The following NKAIN3 variants were observed in gnomAD, a reference collection of about 807,000 sequenced individuals.
NKAIN3 encodes sodium/potassium-transporting ATPase subunit beta-1-interacting protein 3.
A neutral mutation model predicts 30.2 loss-of-function variants in NKAIN3; 25 were observed. That is an observed-to-expected ratio of 0.83 (90% CI 0.60 to 1.16). The LOEUF (loss-of-function observed/expected upper bound fraction) is 1.16, where lower values mean the gene tolerates loss of function less well. Among genes scored for constraint, NKAIN3 ranks in the 50% most tolerant of loss-of-function variants. The pLI is 0.00. For synonymous variants in NKAIN3, 91 were observed against 89.6 expected, an observed-to-expected ratio of 1.02 and a Z score of -0.09; for missense variants, 225 against 254.1, an observed-to-expected ratio of 0.89 and a Z score of 0.78.
intron 1 of NKAIN3, among the ~76,000 whole-genome samples, chr8:62,427,226 T>G (rs1274829728): frequency 6.6e-6 from 1 of 152,064 alleles, no homozygotes; most frequent in Non-Finnish European, 1.5e-5. Context: ...TTTGGAAACC[T>G]GTTTTATTAT....
intron 1 of NKAIN3, among the ~76,000 whole-genome samples, chr8:62,544,126 C>G (rs1808935034): frequency 1.3e-5 from 2 of 152,024 alleles, no homozygotes; most frequent in African/African-American, 4.8e-5. Flanking sequence ...CTCAGCCTCC[C>G]AAGTAGCCAG....
chr8:62,470,845 CAACTT>C (rs1044616542), intron 1 of NKAIN3, among the ~76,000 whole-genome samples: 2 of 150,918 alleles, frequency 1.3e-5, no homozygotes, highest in Non-Finnish European at 3.0e-5. Flanking sequence ...AAAAAAAAAA[CAACTT>C]AGGTTCTATA....
chr8:62,839,303 TAA>T (rs1179226651), intron 4 of NKAIN3, among the ~76,000 whole-genome samples: 8 of 136,124 alleles, frequency 5.9e-5, no homozygotes, highest in Non-Finnish European at 4.8e-5. Flanking sequence ...TTGCCTACAT[TAA>T]AAAAAAAAAA....
At chr8:62,489,193 T>TTTGTA (rs1391360352) in intron 1 of NKAIN3, among the ~76,000 whole-genome samples, 18 of 150,818 alleles carry the variant, frequency 1.2e-4, no homozygotes, top group Non-Finnish European at 2.5e-4. Context: ...ATTTTTTTTT[T>TTTGTA]TTTTTGTATT....
intron 1 of NKAIN3, among the ~76,000 whole-genome samples, chr8:62,274,362 G>GGTGTAGTCT (rs1186569350): frequency 2.0e-5 from 3 of 152,042 alleles, no homozygotes; most frequent in Admixed American, 2.0e-4. Flanking sequence ...ATTGAAGTTG[G>GGTGTAGTCT]GTGTAGTCTA....
chr8:62,951,653 G>T (rs1381260018), intron 5 of NKAIN3, among the ~76,000 whole-genome samples: 2 of 151,878 alleles, frequency 1.3e-5, no homozygotes, highest in African/African-American at 4.8e-5. Context: ...AATGGGGACG[G>T]TGTTTCCCCA....
At chr8:62,828,937 C>T (rs529525398) in intron 4 of NKAIN3, among the ~76,000 whole-genome samples, 1 of 152,290 alleles carries the variant, frequency 6.6e-6, no homozygotes, top group East Asian at 1.9e-4. Context: ...CAAACCACCC[C>T]TGCTGACGCT....
intron 4 of NKAIN3, among the ~76,000 whole-genome samples, chr8:62,909,737 C>T (rs916640056): frequency 1.3e-5 from 2 of 151,840 alleles, no homozygotes; most frequent in African/African-American, 4.8e-5. Flanking sequence ...CATGAGTATG[C>T]CCATCAATAA....
intron 1 of NKAIN3, among the ~76,000 whole-genome samples, chr8:62,365,040 C>T (rs1209420904): frequency 6.6e-6 from 1 of 151,956 alleles, no homozygotes; most frequent in Non-Finnish European, 1.5e-5. Context: ...TTGTAATTTT[C>T]TAAAGATATT....
At chr8:62,924,894 A>G (rs1384037629) in intron 5 of NKAIN3, among the ~76,000 whole-genome samples, 1 of 152,104 alleles carries the variant, frequency 6.6e-6, no homozygotes, top group East Asian at 1.9e-4. Flanking sequence ...CAGCTCTCTG[A>G]GGTCTCTTTT....
At chr8:62,701,886 G>C (rs1231765173) in intron 3 of NKAIN3, among the ~76,000 whole-genome samples, 1 of 152,120 alleles carries the variant, frequency 6.6e-6, no homozygotes, top group Non-Finnish European at 1.5e-5. Context: ...AACTCCGGGG[G>C]CTGAAGTCCA....
intron 4 of NKAIN3, among the ~76,000 whole-genome samples, chr8:62,870,385 A>G (rs1427722940): frequency 7.3e-6 from 1 of 137,502 alleles, no homozygotes; most frequent in Non-Finnish European, 1.5e-5. Context: ...TACACTATAT[A>G]TGTACAATAT....
At chr8:62,450,899 G>A (rs1449381613) in intron 1 of NKAIN3, among the ~76,000 whole-genome samples, 1 of 152,206 alleles carries the variant, frequency 6.6e-6, no homozygotes, top group African/African-American at 2.4e-5. Context: ...TGTGAAAGAG[G>A]AAGGTAAGAC....
At chr8:62,574,295 T>C (rs775413484) in intron 1 of NKAIN3, among the ~76,000 whole-genome samples, 3 of 152,184 alleles carry the variant, frequency 2.0e-5, no homozygotes, top group Non-Finnish European at 1.5e-5. Flanking sequence ...CATCTGTTAA[T>C]GGACAGAGGT....
intron 4 of NKAIN3, among the ~76,000 whole-genome samples, chr8:62,907,530 A>G (rs1011507848): frequency 6.6e-6 from 1 of 152,156 alleles, no homozygotes; most frequent in Non-Finnish European, 1.5e-5. Context: ...CCCCATAACA[A>G]GCTGGTAGGC....
chr8:62,576,380 T>A (rs1055617301), intron 1 of NKAIN3, among the ~76,000 whole-genome samples: 2 of 152,160 alleles, frequency 1.3e-5, no homozygotes, highest in African/African-American at 4.8e-5. Context: ...TTTATTTCTC[T>A]ACTTTTTTTA....
intron 4 of NKAIN3, chr8:62,855,988 C>T (rs1820049015): frequency 1.4e-6 from 1 of 690,050 alleles, no homozygotes; most frequent in Non-Finnish European, 2.7e-6. Flanking sequence ...CTCCCAATCA[C>T]CAGCAACTCC....
intron 1 of NKAIN3, among the ~76,000 whole-genome samples, chr8:62,532,549 AT>A (rs1432423277): frequency 1.3e-5 from 2 of 152,174 alleles, no homozygotes; most frequent in Non-Finnish European, 2.9e-5. Context: ...CAGGCTCAGC[AT>A]TTTGCAATTG....
intron 4 of NKAIN3, among the ~76,000 whole-genome samples, chr8:62,809,620 C>G (rs1818424212): frequency 6.6e-6 from 1 of 152,138 alleles, no homozygotes; most frequent in Non-Finnish European, 1.5e-5. Context: ...AGTGGTTACA[C>G]TACTACTGCA....
Sources: allele counts gnomAD v4.1 joint callset (sites outside exome capture counted in the v4.1 genomes callset), GRCh38; gene constraint gnomAD v4.1.1; transcripts MANE v1.5; gene names NCBI Gene and HGNC (gene_info 2026-07-23, HGNC 2026-07-21).